Variants in PCDH9 observed in about 807,000 individuals in gnomAD.
The protein encoded by PCDH9 is protocadherin-9.
In PCDH9, 24 loss-of-function variants were observed where a neutral mutation model predicts 70.6. The observed-to-expected ratio is 0.34, with a 90% CI of 0.25 to 0.48. PCDH9 has a LOEUF of 0.48. Ranked by LOEUF, PCDH9 falls within the 20% of genes least tolerant of loss-of-function variation. PCDH9 has a pLI of 0.99. For missense variants in PCDH9, 1,281 were observed against 1,503.6 expected, an observed-to-expected ratio of 0.85 and a Z score of 2.45; for synonymous variants, 562 against 558.5, an observed-to-expected ratio of 1.01 and a Z score of -0.09.
chr13:66,932,627 T>C (rs1347859812), intron 2 of PCDH9, among the ~76,000 whole-genome samples: 1 of 149,098 alleles, frequency 6.7e-6, no homozygotes, highest in Non-Finnish European at 1.5e-5. Flanking sequence ...AAACTTTTTA[T>C]TTTTTTCTAG....
chr13:67,014,192 T>G (rs2084511171), intron 2 of PCDH9, among the ~76,000 whole-genome samples: 1 of 152,092 alleles, frequency 6.6e-6, no homozygotes, highest in Admixed American at 6.6e-5. Flanking sequence ...TACACACTTT[T>G]TACTAAAATA....
At chr13:66,449,190 T>G (rs1331606218) in intron 4 of PCDH9, among the ~76,000 whole-genome samples, 2 of 152,124 alleles carry the variant, frequency 1.3e-5, no homozygotes, top group Non-Finnish European at 2.9e-5. Context: ...AAATACCCAA[T>G]TAGCCACTAG....
intron 3 of PCDH9, among the ~76,000 whole-genome samples, chr13:66,704,629 G>A (rs184036759): frequency 5.9e-5 from 9 of 152,158 alleles, no homozygotes; most frequent in East Asian, 1.9e-4. Context: ...TTATAATATC[G>A]CAAGACAGAA....
At chr13:67,155,549 G>GT (rs2087787961) in intron 2 of PCDH9, among the ~76,000 whole-genome samples, 1 of 152,144 alleles carries the variant, frequency 6.6e-6, no homozygotes, top group Non-Finnish European at 1.5e-5. Flanking sequence ...GGGAGCATAT[G>GT]TTAGATGCTT....
chr13:66,520,029 T>G (rs2064581016), intron 4 of PCDH9, among the ~76,000 whole-genome samples: 1 of 152,138 alleles, frequency 6.6e-6, no homozygotes, highest in Non-Finnish European at 1.5e-5. Flanking sequence ...GACAAAAAAG[T>G]GAGCGGGCCT....
intron 3 of PCDH9, among the ~76,000 whole-genome samples, chr13:66,883,563 A>G (rs948241324): frequency 6.6e-6 from 1 of 152,230 alleles, no homozygotes; most frequent in African/African-American, 2.4e-5. Flanking sequence ...CCTTGAAATA[A>G]TGGTTCTAAG....
intron 4 of PCDH9, among the ~76,000 whole-genome samples, chr13:66,544,230 T>C (rs1961085077): frequency 1.3e-5 from 2 of 152,312 alleles, no homozygotes; most frequent in Non-Finnish European, 2.9e-5. Flanking sequence ...TCCAGTATTA[T>C]ATTACCAGGA....
At position 66,435,646 on chromosome 13, in the gene PCDH9, T is replaced by C. The variant is rs138425663; in HGVS notation, c.3341-130618A>G. On this transcript the variant is annotated intron_variant, in intron 4 of 4. Coordinates refer to ENST00000377865, the MANE Select transcript of PCDH9 (RefSeq NM_203487.3). ...AACTTTTACATAATAGTCATAAAAA[T>C]TGAATTCATTAAGACAAAGGAGAAA... Among the ~76,000 whole-genome samples, 6 of 152,276 alleles carry C rather than the reference T, an allele frequency of 3.9e-5. No homozygotes were observed. The East Asian group carries it at 1.2e-3, about 29-fold the overall frequency.
intron 3 of PCDH9, among the ~76,000 whole-genome samples, chr13:66,654,493 T>C (rs1050011486): frequency 1.3e-5 from 2 of 152,050 alleles, no homozygotes; most frequent in Admixed American, 6.5e-5. Flanking sequence ...ACAACACAAA[T>C]AAAGGATAAA....
intron 3 of PCDH9, among the ~76,000 whole-genome samples, chr13:66,748,004 G>T (rs1299157666): frequency 6.6e-6 from 1 of 152,126 alleles, no homozygotes; most frequent in East Asian, 1.9e-4. Flanking sequence ...AACATTTAAG[G>T]AAGTAAGGAA....
At chr13:66,689,940 G>C (rs192012601) in intron 3 of PCDH9, among the ~76,000 whole-genome samples, 22 of 152,172 alleles carry the variant, frequency 1.4e-4, no homozygotes, top group African/African-American at 4.6e-4. Flanking sequence ...TATATCCTAA[G>C]TATTATCTTT....
At chr13:66,778,745 AAATGC>A (rs2079942791) in intron 3 of PCDH9, among the ~76,000 whole-genome samples, 1 of 152,210 alleles carries the variant, frequency 6.6e-6, no homozygotes, top group Non-Finnish European at 1.5e-5. Flanking sequence ...AAGGAAAATT[AAATGC>A]TATGTCCTGA....
At chr13:66,641,914 G>A (rs902046251) in intron 3 of PCDH9, among the ~76,000 whole-genome samples, 4 of 152,164 alleles carry the variant, frequency 2.6e-5, no homozygotes, top group African/African-American at 9.6e-5. Flanking sequence ...ATTCTAACTG[G>A]CCTTCTTTTA....
chr13:67,113,570 C>T (rs1256197121), intron 2 of PCDH9, among the ~76,000 whole-genome samples: 2 of 150,902 alleles, frequency 1.3e-5, no homozygotes, highest in South Asian at 2.1e-4. Context: ...TTTTTTGAGA[C>T]GGACTCTCGC....
intron 4 of PCDH9, among the ~76,000 whole-genome samples, chr13:66,448,348 C>T (rs1958139048): frequency 6.6e-6 from 1 of 152,150 alleles, no homozygotes. Context: ...TGGATGTGTG[C>T]AGTAAACTGA....
chr13:67,110,343 C>T (rs1263517284), intron 2 of PCDH9, among the ~76,000 whole-genome samples: 5 of 151,420 alleles, frequency 3.3e-5, no homozygotes, highest in Admixed American at 2.6e-4. Flanking sequence ...GGTGAAACCC[C>T]GTCTCCACTA....
intron 2 of PCDH9, among the ~76,000 whole-genome samples, chr13:67,002,525 A>T (rs1405988458): frequency 6.6e-6 from 1 of 151,420 alleles, no homozygotes; most frequent in Non-Finnish European, 1.5e-5. Flanking sequence ...ATTAATCAAG[A>T]GTCTAAGAAT....
chr13:66,431,717 C>A (rs576063544), intron 4 of PCDH9, among the ~76,000 whole-genome samples: 3 of 152,092 alleles, frequency 2.0e-5, no homozygotes, highest in African/African-American at 4.8e-5. Context: ...AAAACCAAGA[C>A]ACCCACAGAC....
intron 3 of PCDH9, among the ~76,000 whole-genome samples, chr13:66,666,321 G>C (rs552996401): frequency 1.3e-5 from 2 of 152,174 alleles, no homozygotes; most frequent in Non-Finnish European, 2.9e-5. Context: ...CCTGGTGCCC[G>C]GGCCAGATGG....
Sources: allele counts gnomAD v4.1 joint callset (sites outside exome capture counted in the v4.1 genomes callset), GRCh38; gene constraint gnomAD v4.1.1; transcripts MANE v1.5; gene names NCBI Gene and HGNC (gene_info 2026-07-23, HGNC 2026-07-21).